SNX13: variants seen among roughly 807,000 people sequenced by gnomAD.
SNX13 encodes the protein sorting nexin-13.
In SNX13, 45 loss-of-function variants were observed where a neutral mutation model predicts 133.6. The ratio of observed to expected loss-of-function variants is 0.34; its 90% CI spans 0.27 to 0.43. The LOEUF is 0.43. Ranked by LOEUF, SNX13 falls within the 20% of genes least tolerant of loss-of-function variation. The pLI is 1.00. For missense variants in SNX13, 1,032 were observed against 1,145.1 expected (o/e 0.90, Z 1.43); for synonymous variants, 414 against 373.9 (o/e 1.11, Z -1.24).
intron 21 of SNX13, among the ~76,000 whole-genome samples, chr7:17,803,091 C>T (rs1410489676): frequency 6.6e-6 from 1 of 152,044 alleles, no homozygotes; most frequent in Non-Finnish European, 1.5e-5. Flanking sequence ...AATTTGTTTG[C>T]TACTAAATTT....
chr7:17,908,647 A>G (rs1452089594), intron 1 of SNX13, among the ~76,000 whole-genome samples: 2 of 152,206 alleles, frequency 1.3e-5, no homozygotes, highest in Admixed American at 1.3e-4. Context: ...TCTTTCATTC[A>G]TTCACTAAAC....
At chr7:17,903,469 G>A (rs1019132934) in intron 1 of SNX13, among the ~76,000 whole-genome samples, 1 of 152,136 alleles carries the variant, frequency 6.6e-6, no homozygotes, top group African/African-American at 2.4e-5. Flanking sequence ...TACAGACTTA[G>A]GAGTTAGGAC....
chr7:17,901,927 G>C (rs1272188534), intron 1 of SNX13, among the ~76,000 whole-genome samples: 1 of 152,084 alleles, frequency 6.6e-6, no homozygotes, highest in Non-Finnish European at 1.5e-5. Context: ...CAGTTGTTAG[G>C]ACTAAACTGT....
intron 17 of SNX13, among the ~76,000 whole-genome samples, chr7:17,825,753 G>C (rs1490883335): frequency 6.6e-6 from 1 of 152,036 alleles, no homozygotes; most frequent in Non-Finnish European, 1.5e-5. Context: ...AGAACAAAGA[G>C]GAAAAGAATG....
chr7:17,834,112 A>T lies in SNX13; in HGVS notation c.1537T>A (p.Leu513Ile). 1 of 1,594,138 alleles carries T rather than the reference A, an allele frequency of 6.3e-7. No homozygotes were observed. The highest frequency in any genetic ancestry group is 8.6e-7 in the Non-Finnish European group (1 of 1,167,602). The change falls in exon 15 of 26, where the codon TTA becomes ATA. Residue 513 changes from leucine (L) to isoleucine (I), a missense_variant. Leu to Ile is a conservative substitution (Grantham distance 5). Coordinates refer to ENST00000428135, the MANE Select transcript of SNX13 (RefSeq NM_015132.5). ...TCTTTTAACATGTCAAGCTCAGCTA[A>T]CATGCGCACATAAAGTGCATTCTGT... ...FRQNALYVRM[L>I]AELDMLKDPS...
At chr7:17,843,207 C>T (rs1451056829) in intron 12 of SNX13, among the ~76,000 whole-genome samples, 1 of 151,716 alleles carries the variant, frequency 6.6e-6, no homozygotes, top group East Asian at 1.9e-4. Context: ...GATACAAAGA[C>T]ATAAATAAAT....
At chr7:17,871,196 G>T (rs562037019) in intron 8 of SNX13, among the ~76,000 whole-genome samples, 3 of 151,922 alleles carry the variant, frequency 2.0e-5, no homozygotes, top group African/African-American at 7.3e-5. Context: ...TAGTAGAGAC[G>T]GCGTTTCACC....
At chr7:17,848,834 T>G (rs1270330308) in intron 11 of SNX13, among the ~76,000 whole-genome samples, 1 of 152,212 alleles carries the variant, frequency 6.6e-6, no homozygotes, top group African/African-American at 2.4e-5. Context: ...ACACCCCTGT[T>G]GCAAGTCCTG....
At chr7:17,797,104 T>G (rs997474310) in intron 24 of SNX13, among the ~76,000 whole-genome samples, 165 bp from the exon 25 acceptor site, 1 of 151,696 alleles carries the variant, frequency 6.6e-6, no homozygotes, top group Admixed American at 6.6e-5. Flanking sequence ...ATCAACTAAG[T>G]GTAGGGTTCA....
chr7:17,903,094 T>G (rs543681736), intron 1 of SNX13, among the ~76,000 whole-genome samples: 5 of 152,250 alleles, frequency 3.3e-5, no homozygotes, highest in Admixed American at 3.3e-4. Flanking sequence ...CTTTGCTAAA[T>G]ACAATAATCA....
chr7:17,845,788 C>A (rs546047115), intron 11 of SNX13, 94 bp from the exon 12 acceptor site: 1 of 814,158 alleles, frequency 1.2e-6, no homozygotes, highest in Non-Finnish European at 1.9e-6. Flanking sequence ...CAAGCTAAAA[C>A]GGAGTAAAGA....
intron 8 of SNX13, among the ~76,000 whole-genome samples, chr7:17,872,239 G>C (rs1391944001): frequency 6.6e-6 from 1 of 152,136 alleles, no homozygotes; most frequent in Non-Finnish European, 1.5e-5. Flanking sequence ...AAGTTAAGGA[G>C]TATAAACATG....
At chr7:17,936,411 C>G (rs1583857866) in intron 1 of SNX13, among the ~76,000 whole-genome samples, 1 of 152,182 alleles carries the variant, frequency 6.6e-6, no homozygotes, top group South Asian at 2.1e-4. Flanking sequence ...CAAATAGAAA[C>G]TATTTTTATT....
intron 16 of SNX13, among the ~76,000 whole-genome samples, chr7:17,827,641 T>C (rs1222166886): frequency 6.6e-6 from 1 of 151,934 alleles, no homozygotes; most frequent in African/African-American, 2.4e-5. Context: ...GTCCATGCTC[T>C]ACTACCAATA....
At chr7:17,813,705 G>T (rs1251962256) in intron 20 of SNX13, among the ~76,000 whole-genome samples, 1 of 151,304 alleles carries the variant, frequency 6.6e-6, no homozygotes, top group African/African-American at 2.4e-5. Context: ...TCCCACCTCA[G>T]CCTCTTGAGT....
At chr7:17,933,373 C>T (rs1314605874) in intron 1 of SNX13, among the ~76,000 whole-genome samples, 1 of 152,118 alleles carries the variant, frequency 6.6e-6, no homozygotes. Flanking sequence ...GAAACCCCGT[C>T]TCTACTAAAA....
At chr7:17,830,458 A>G (rs1583398746) in intron 15 of SNX13, 1 of 984,162 alleles carries the variant, frequency 1.0e-6, no homozygotes, top group African/African-American at 1.7e-5. Context: ...AAAGATTACA[A>G]ATAAAATCAG....
At chr7:17,844,470 A>G (rs561708647) in intron 12 of SNX13, among the ~76,000 whole-genome samples, 1 of 152,200 alleles carries the variant, frequency 6.6e-6, no homozygotes, top group Admixed American at 6.5e-5. Context: ...GAATTCTATC[A>G]AACATTTAAA....
In SNX13 at chr7:17,850,441, A is replaced by G; in HGVS notation, c.977-6T>C. 1 of 1,514,544 alleles carries G rather than the reference A, an allele frequency of 6.6e-7. No homozygotes were observed. The highest frequency in any genetic ancestry group is 8.9e-7 in the Non-Finnish European group (1 of 1,118,394). 93.8% of individuals were successfully genotyped at this position (1,514,544 alleles called of 1,614,324 possible). ...ATTTTTGATAGTGTTGATATCTAAAAGCAAAGAAATCATGAACTAGAAAGT... is the reference window on the plus strand; with the variant it reads ...ATTTTTGATAGTGTTGATATCTAAAGGCAAAGAAATCATGAACTAGAAAGT... On this transcript the variant is annotated splice_polypyrimidine_tract_variant and splice_region_variant and intron_variant, in intron 10 of 25. Transcript: ENST00000428135.
Sources: allele counts gnomAD v4.1 joint callset (sites outside exome capture counted in the v4.1 genomes callset), GRCh38; gene constraint gnomAD v4.1.1; transcripts MANE v1.5; gene names NCBI Gene and HGNC (gene_info 2026-07-23, HGNC 2026-07-21).